ETV3: variants seen among roughly 807,000 people sequenced by gnomAD.
ETV3 encodes ETS translocation variant 3.
ETV3 carries 8 observed loss-of-function variants against 33.0 expected under a neutral mutation model. The observed-to-expected ratio is 0.24, with a 90% CI of 0.14 to 0.44. The LOEUF (loss-of-function observed/expected upper bound fraction) is 0.44. Ranked by LOEUF, ETV3 falls within the 20% of genes least tolerant of loss-of-function variation. ETV3 has a pLI of 1.00. For missense variants in ETV3, 473 were observed against 652.3 expected, an observed-to-expected ratio of 0.73 and a Z score of 2.99; for synonymous variants, 222 against 238.9, an observed-to-expected ratio of 0.93 and a Z score of 0.65.
In ETV3 at chr1:157,125,593, T is replaced by C. The variant is rs937344046; in HGVS notation, c.787A>G (p.Ile263Val). ...PGRGGVLNVP[I>V]SPALSLTPTI... Reference sequence around the variant, plus strand: ...GGAGTCAGGGAGAGGGCTGGTGAAATGGGGACATTAAGGACACCTCCGCGG... The same window carrying C: ...GGAGTCAGGGAGAGGGCTGGTGAAACGGGGACATTAAGGACACCTCCGCGG... Residue 263 changes from isoleucine (I) to valine (V), a missense_variant, in exon 5 of 5, where the codon ATT becomes GTT. Physicochemically the swap from Ile to Val is conservative, Grantham distance 29 (BLOSUM62 3). Coordinates refer to ENST00000368192, the MANE Select transcript of ETV3 (RefSeq NM_001145312.3). This position sits in a 1 kb window ranked among gnomAD's most constrained non-coding sequence, Gnocchi z 4.0. The C allele has an allele frequency of 2.6e-6, 4 of 1,551,442 alleles. No homozygotes were observed. The highest frequency in any genetic ancestry group is 1.4e-5 in the African/African-American group (1 of 72,898).
intron 4 of ETV3, among the ~76,000 whole-genome samples, chr1:157,127,812 G>T (rs1035268683): frequency 3.9e-5 from 6 of 152,120 alleles, no homozygotes; most frequent in Non-Finnish European, 7.3e-5. Flanking sequence ...CTCCCAAAGT[G>T]CTGGGATTAC....
intron 3 of ETV3, chr1:157,135,238 A>C: frequency 1.6e-6 from 1 of 606,382 alleles, no homozygotes; most frequent in Non-Finnish European, 2.9e-6. Context: ...GTCAGGATCC[A>C]GTGCCAGCCA....
chr1:157,125,771 G>T lies in ETV3; in HGVS notation c.609C>A (p.Arg203=). 6.4e-7 allele frequency: 1 copy of T among 1,551,624 alleles called. No homozygotes were observed. Among genetic ancestry groups the T allele is most frequent in the Non-Finnish European group, 8.7e-7 (1 of 1,146,962 alleles). ...TGGAGGACACGGGATCCACACCCCG[G>T]CGCCAGTCAGCAGCTGAGCCATCCT... is the stretch of plus-strand genomic sequence containing the variant. The part of the protein sequence containing the change: ...ELEDGSAADW[R]RGVDPVSSRN... Residue 203 remains arginine (R), a synonymous_variant, in exon 5 of 5, where the codon CGC becomes CGA. Coordinates refer to ENST00000368192, the MANE Select transcript of ETV3 (RefSeq NM_001145312.3). The surrounding 1 kb of genome is among the most constrained non-coding windows in gnomAD (Gnocchi z 4.0).
Position 157,136,293 on chromosome 1 carries a change from T to A in ETV3, c.46+14A>T, listed in dbSNP as rs1469599453. On this transcript the variant is annotated intron_variant, in intron 2 of 4. Transcript: ENST00000368192. ...AGCTTCCAGGTACATCAGAGATGAT[T>A]AACTTCTGCTCACCTCCACCTCCTT... 1.2e-6 allele frequency: 2 copies of A among 1,612,240 alleles called. No individual in the cohort carries two copies. Among genetic ancestry groups the A allele is most frequent in the African/African-American group, 1.3e-5 (1 of 74,918 alleles).
At position 157,125,308 on chromosome 1, in the gene ETV3, T is replaced by A; in HGVS notation, c.1072A>T (p.Arg358Trp). The A allele has an allele frequency of 6.4e-7, 1 of 1,551,952 alleles. No individual in the cohort carries two copies. Among genetic ancestry groups the A allele is most frequent in the Non-Finnish European group, 8.7e-7 (1 of 1,147,060 alleles). The change falls in exon 5 of 5, where the codon AGG becomes TGG. Residue 358 changes from arginine to tryptophan, a missense_variant. Transcript: ENST00000368192. This position sits in a 1 kb window ranked among gnomAD's most constrained non-coding sequence, Gnocchi z 4.0. ...GCTGACTCCTCGCTGCTCTCAACCC[T>A]CTCCCGGTTCTTCCGCCCAACTGGT... Reference protein sequence around the residue: ...PPPVGRKNRERVESSEESAPV... With the variant: ...PPPVGRKNREWVESSEESAPV...
intron 4 of ETV3, among the ~76,000 whole-genome samples, chr1:157,129,733 C>T (rs1169302376): frequency 1.3e-5 from 2 of 152,104 alleles, no homozygotes; most frequent in African/African-American, 4.8e-5. Flanking sequence ...ATTAAGAGTA[C>T]ATCTACTCAA....
In ETV3 at chr1:157,129,571, G is replaced by A. The variant is rs567385674; in HGVS notation, c.401-3592C>T. On this transcript the variant is annotated intron_variant, in intron 4 of 4. Coordinates refer to ENST00000368192, the MANE Select transcript of ETV3 (RefSeq NM_001145312.3). ...AGACTGGAAAAAAAATAAAGCCACT[G>A]ATTTAATTTTAAAATTAGGAAGAAC... is the stretch of plus-strand genomic sequence containing the variant. 1.2e-3 allele frequency among the ~76,000 whole-genome samples: 178 copies of A among 152,334 alleles called. No individual in the cohort carries two copies. The Middle Eastern group carries it at 0.017, about 15-fold the overall frequency.
At chr1:157,138,134 G>C (rs955887847) in intron 1 of ETV3, among the ~76,000 whole-genome samples, 182 bp downstream of exon 1, 1 of 152,164 alleles carries the variant, frequency 6.6e-6, no homozygotes, top group Non-Finnish European at 1.5e-5. Context: ...ACGCTGCCCT[G>C]GGTCCCTGTC....
At chr1:157,133,951 A>G (rs374703320) in intron 4 of ETV3, 161 bp downstream of exon 4, 20 of 1,446,352 alleles carry the variant, frequency 1.4e-5, no homozygotes, top group African/African-American at 1.1e-4. Context: ...AACTCTCCTT[A>G]TAAGTGAGAT....
intron 2 of ETV3, 93 bp downstream of exon 2, chr1:157,136,214 G>A: frequency 1.7e-6 from 2 of 1,192,506 alleles, no homozygotes; most frequent in Non-Finnish European, 2.5e-6. Context: ...TGTCAGTCAT[G>A]GTCTGACATT....
chr1:157,126,516 A>G (rs1167077049), intron 4 of ETV3, among the ~76,000 whole-genome samples: 1 of 152,268 alleles, frequency 6.6e-6, no homozygotes, highest in Admixed American at 6.5e-5. Context: ...TAAACATTCG[A>G]GAACATTTAA....
chr1:157,137,880 A>G (rs547150306), intron 1 of ETV3, among the ~76,000 whole-genome samples: 1 of 152,014 alleles, frequency 6.6e-6, no homozygotes, highest in South Asian at 2.1e-4. Context: ...TCGCATATTC[A>G]CTGCAAGGAC....
Position 157,124,685 on chromosome 1 carries a change from T to C in ETV3, c.*156A>G. On this transcript the variant is annotated 3_prime_UTR_variant, in exon 5 of 5. Coordinates refer to ENST00000368192, the MANE Select transcript of ETV3 (RefSeq NM_001145312.3). ...ATCCCACCTAATTTACAACAGAAGA[T>C]AACCCCATCCCATCCCCAAAACATA... The C allele has an allele frequency of 1.4e-6, 1 of 726,810 alleles. No homozygotes were observed. The highest frequency in any genetic ancestry group is 2.2e-6 in the Non-Finnish European group (1 of 464,928). The allele number at this position is 726,810 out of a possible 1,614,324, so 45.0% of individuals were successfully genotyped here.
rs892030089 is a variant in ETV3 at position 157,125,026 on chromosome 1, C to T, written c.1354G>A (p.Glu452Lys). 15 of 1,551,282 alleles carry T rather than the reference C, an allele frequency of 9.7e-6. No individual in the cohort carries two copies. In the African/African-American group the frequency reaches 1.4e-4, roughly 14 times the overall value. Reference sequence around the variant, plus strand: ...CTGGGCTCTTTGCCAGGCCTATCCTCACTGTCTTCAGTCACCTCCAGAGGT... The same window carrying T: ...CTGGGCTCTTTGCCAGGCCTATCCTTACTGTCTTCAGTCACCTCCAGAGGT... Reference protein sequence around the residue: ...GEPLEVTEDSEDRPGKEPSAP... With the variant: ...GEPLEVTEDSKDRPGKEPSAP... The change falls in exon 5 of 5, where the codon GAG (glutamate) becomes AAG (lysine). Residue 452 changes from glutamate (E) to lysine (K), a missense_variant. Coordinates refer to ENST00000368192, the MANE Select transcript of ETV3 (RefSeq NM_001145312.3). This position sits in a 1 kb window ranked among gnomAD's most constrained non-coding sequence, Gnocchi z 4.0.
At chr1:157,126,158 T>A (rs1674830875) in intron 4 of ETV3, among the ~76,000 whole-genome samples, 179 bp from the exon 5 acceptor site, 1 of 152,214 alleles carries the variant, frequency 6.6e-6, no homozygotes. Context: ...ACTCAACTTG[T>A]CATCCTTCTC....
intron 4 of ETV3, 147 bp downstream of exon 4, chr1:157,133,965 T>C: frequency 6.9e-7 from 1 of 1,452,532 alleles, no homozygotes; most frequent in Non-Finnish European, 9.0e-7. Context: ...GTGAGATGAC[T>C]TGAGTAAGAA....
At chr1:157,136,417 C>G in intron 1 of ETV3, 52 bp from the exon 2 acceptor site, 1 of 1,520,288 alleles carries the variant, frequency 6.6e-7, no homozygotes, top group Non-Finnish European at 8.9e-7. Context: ...ATTTAGTATC[C>G]TCTCAAAAGT....
intron 4 of ETV3, among the ~76,000 whole-genome samples, chr1:157,127,948 T>C (rs951828153): frequency 1.3e-4 from 20 of 152,126 alleles, no homozygotes; most frequent in African/African-American, 4.3e-4. Context: ...TGTGGGTTCC[T>C]CGGAGGTGTC....
chr1:157,131,953 T>TAC lies in ETV3; in HGVS notation c.400+2157_400+2158dup, dbSNP rs1337349306. 1.5e-4 allele frequency among the ~76,000 whole-genome samples: 23 copies of TAC among 152,328 alleles called. No individual in the cohort carries two copies. The East Asian group carries it at 2.3e-3, about 15-fold the overall frequency. ...AGAGATAGATGTACTAAAAGAAATG[T>TAC]ACACAGTTTTGCTTTCCTTGTGCTT... On this transcript the variant is annotated intron_variant, in intron 4 of 4. Transcript: ENST00000368192.
Sources: allele counts gnomAD v4.1 joint callset (sites outside exome capture counted in the v4.1 genomes callset), GRCh38; gene constraint gnomAD v4.1.1; non-coding constraint Gnocchi (gnomAD v3.1); transcripts MANE v1.5; gene names NCBI Gene and HGNC (gene_info 2026-07-23, HGNC 2026-07-21).